Variants in RIT2 observed in about 807,000 individuals in gnomAD.
The protein encoded by RIT2 is Ras like without CAAX 2.
In RIT2, 24 loss-of-function variants were observed where a neutral mutation model predicts 23.7. That is an observed-to-expected ratio of 1.01 (90% confidence interval 0.73 to 1.43). The LOEUF (loss-of-function observed/expected upper bound fraction) is 1.43, where lower values mean the gene tolerates loss of function less well. RIT2 is among the 40% of genes most tolerant of loss of function. The pLI is 0.00. For missense variants in RIT2, 236 were observed against 266.9 expected, an observed-to-expected ratio of 0.88 and a Z score of 0.81; for synonymous variants, 107 against 91.1, an observed-to-expected ratio of 1.17 and a Z score of -0.99.
intron 4 of RIT2, among the ~76,000 whole-genome samples, chr18:42,883,599 G>A (rs1023322936): frequency 3.9e-5 from 6 of 152,000 alleles, no homozygotes; most frequent in East Asian, 1.9e-4. Flanking sequence ...TCAGTGGGAC[G>A]CCCCCACGCT....
chr18:42,757,064 A>C (rs1218823909), intron 4 of RIT2, among the ~76,000 whole-genome samples: 1 of 152,184 alleles, frequency 6.6e-6, no homozygotes, highest in African/African-American at 2.4e-5. Flanking sequence ...ATGTTCAATA[A>C]ACACCTTTCC....
intron 3 of RIT2, among the ~76,000 whole-genome samples, 195 bp from the exon 4 acceptor site, chr18:42,923,958 T>A (rs1179666717): frequency 1.3e-5 from 2 of 151,952 alleles, no homozygotes; most frequent in Non-Finnish European, 2.9e-5. Context: ...CTCTTAGGGA[T>A]TATATAAAGA....
At position 42,743,525 on chromosome 18, in the gene RIT2, A is replaced by T; in HGVS notation, c.622T>A (p.Ser208Thr). ...KDSLWKKLKG[S>T]LKKKRENMT ...ATATTTTCTCTCTTCTTCTTCAAAG[A>T]ACCTTTGAGCTTCTTCCACAGGCTG... The change falls in exon 5 of 5, where the codon TCT (serine) becomes ACT (threonine). Residue 208 changes from serine to threonine, a missense_variant. By Grantham distance (58) the Ser-to-Thr change is moderately conservative. Coordinates refer to ENST00000326695, the MANE Select transcript of RIT2 (RefSeq NM_002930.4). 1 of 1,613,786 alleles carries T rather than the reference A, an allele frequency of 6.2e-7. No individual in the cohort carries two copies.
intron 4 of RIT2, among the ~76,000 whole-genome samples, chr18:42,785,934 C>A (rs1234471873): frequency 6.6e-6 from 1 of 152,096 alleles, no homozygotes; most frequent in Non-Finnish European, 1.5e-5. Flanking sequence ...GTTAAAAATA[C>A]CTTTCTTAAA....
intron 4 of RIT2, among the ~76,000 whole-genome samples, chr18:42,869,588 C>A (rs1907566379): frequency 6.6e-6 from 1 of 152,056 alleles, no homozygotes; most frequent in Non-Finnish European, 1.5e-5. Context: ...GTTGCTGCAC[C>A]AACATTCATT....
At chr18:43,002,872 G>A (rs1238025678) in intron 2 of RIT2, among the ~76,000 whole-genome samples, 8 of 151,876 alleles carry the variant, frequency 5.3e-5, no homozygotes, top group Non-Finnish European at 1.5e-5. Flanking sequence ...AGATTATTCA[G>A]GATTATCCAG....
At chr18:42,869,402 G>T (rs1037362708) in intron 4 of RIT2, among the ~76,000 whole-genome samples, 2 of 152,210 alleles carry the variant, frequency 1.3e-5, no homozygotes, top group African/African-American at 4.8e-5. Context: ...GATCAGTACA[G>T]GTCCATTGCC....
In RIT2 at chr18:42,743,682, A is replaced by T; in HGVS notation, c.465T>A (p.Tyr155Ter). ...CAGAGGTCTCAAAAAAACCACAATT[A>T]TATTCTTGGGCAAGACTCAAGCCTT... is the stretch of plus-strand genomic sequence containing the variant. ...TEEGLSLAQE[Y>*]NCGFFETSAA... The change falls in exon 5 of 5, where the codon TAT (tyrosine) becomes TAA (stop). Residue 155 changes from tyrosine (Y) to a stop codon, truncating the protein, a stop_gained. Coordinates refer to ENST00000326695, the MANE Select transcript of RIT2 (RefSeq NM_002930.4). LOFTEE classifies it high-confidence loss of function. The T allele has an allele frequency of 6.2e-7, 1 of 1,613,938 alleles. No homozygotes were observed. Among genetic ancestry groups the T allele is most frequent in the East Asian group, 2.2e-5 (1 of 44,840 alleles).
intron 4 of RIT2, among the ~76,000 whole-genome samples, chr18:42,777,591 A>T (rs1167281079): frequency 6.6e-6 from 1 of 152,202 alleles, no homozygotes; most frequent in African/African-American, 2.4e-5. Flanking sequence ...ATGTCAAGTA[A>T]AATGGGATTT....
At chr18:42,938,331 C>T (rs1266435425) in intron 3 of RIT2, among the ~76,000 whole-genome samples, 1 of 152,184 alleles carries the variant, frequency 6.6e-6, no homozygotes, top group African/African-American at 2.4e-5. Flanking sequence ...TGAGACCGAA[C>T]AAGTTCGAAC....
chr18:42,764,011 T>C (rs1913364799), intron 4 of RIT2, among the ~76,000 whole-genome samples: 1 of 152,192 alleles, frequency 6.6e-6, no homozygotes, highest in Non-Finnish European at 1.5e-5. Flanking sequence ...AATGTTGTTA[T>C]GCAGCACATG....
intron 1 of RIT2, among the ~76,000 whole-genome samples, chr18:43,048,216 C>T (rs759457094): frequency 1.4e-4 from 21 of 152,182 alleles, no homozygotes; most frequent in Non-Finnish European, 2.5e-4. Flanking sequence ...TAACTGATGT[C>T]AGGCTCCTGT....
At chr18:42,900,015 T>G (rs185456522) in intron 4 of RIT2, among the ~76,000 whole-genome samples, 18 of 152,136 alleles carry the variant, frequency 1.2e-4, no homozygotes, top group Admixed American at 1.2e-3. Flanking sequence ...TTAATAAAAT[T>G]TAATTAATTA....
At chr18:43,005,946 A>G (rs1165300910) in intron 2 of RIT2, among the ~76,000 whole-genome samples, 1 of 151,780 alleles carries the variant, frequency 6.6e-6, no homozygotes, top group African/African-American at 2.4e-5. Flanking sequence ...AATCCTCAGA[A>G]GGAATGAAGA....
chr18:42,777,704 A>C (rs1913706906), intron 4 of RIT2, among the ~76,000 whole-genome samples: 1 of 152,148 alleles, frequency 6.6e-6, no homozygotes, highest in Admixed American at 6.5e-5. Flanking sequence ...TTTAGACCAC[A>C]GTCTTATTTT....
chr18:42,987,385 G>A (rs1910736181), intron 2 of RIT2, among the ~76,000 whole-genome samples: 1 of 152,064 alleles, frequency 6.6e-6, no homozygotes, highest in South Asian at 2.1e-4. Context: ...CCCTCACCCT[G>A]CTGATTTCAG....
intron 2 of RIT2, among the ~76,000 whole-genome samples, chr18:42,987,996 C>A (rs1229485460): frequency 6.6e-6 from 1 of 152,126 alleles, no homozygotes; most frequent in Non-Finnish European, 1.5e-5. Flanking sequence ...TCACCTCCAG[C>A]ATTGAGGACC....
intron 4 of RIT2, among the ~76,000 whole-genome samples, chr18:42,899,275 G>C (rs1393244522): frequency 6.6e-6 from 1 of 150,592 alleles, no homozygotes; most frequent in Non-Finnish European, 1.5e-5. Context: ...GAAGTGTCCT[G>C]TTTCTTATCT....
At chr18:42,838,397 T>C (rs1318369997) in intron 4 of RIT2, among the ~76,000 whole-genome samples, 1 of 152,114 alleles carries the variant, frequency 6.6e-6, no homozygotes, top group African/African-American at 2.4e-5. Context: ...TAAAATAACT[T>C]CTAGAAGTTC....
Sources: allele counts gnomAD v4.1 joint callset (sites outside exome capture counted in the v4.1 genomes callset), GRCh38; gene constraint gnomAD v4.1.1; transcripts MANE v1.5; gene names NCBI Gene and HGNC (gene_info 2026-07-23, HGNC 2026-07-21).